VWA8: variants seen among roughly 807,000 people sequenced by gnomAD.
The protein encoded by VWA8 is von Willebrand factor A domain-containing protein 8.
A neutral mutation model predicts 241.5 loss-of-function variants in VWA8; 221 were observed. The ratio of observed to expected loss-of-function variants is 0.91; its 90% CI spans 0.82 to 1.02. VWA8 has a LOEUF of 1.02. Ranked by LOEUF, VWA8 falls within the 50% of genes least tolerant of loss-of-function variation. The probability of loss-of-function intolerance (pLI) is 0.00; values close to 1 mark genes in which losing one functional copy is unlikely to be tolerated. For synonymous variants in VWA8, 852 were observed against 827.1 expected, an observed-to-expected ratio of 1.03 and a Z score of -0.52; for missense variants, 2,322 against 2,328.7, an observed-to-expected ratio of 1.00 and a Z score of 0.06.
At chr13:41,811,109 C>T (rs1395970144) in intron 17 of VWA8, 116 bp downstream of exon 17, 2 of 818,382 alleles carry the variant, frequency 2.4e-6, no homozygotes, top group Non-Finnish European at 1.9e-6. Flanking sequence ...TGAAATAGCT[C>T]TACATTCAGA....
At chr13:41,698,827 A>G (rs2045231088) in intron 29 of VWA8, among the ~76,000 whole-genome samples, 1 of 152,206 alleles carries the variant, frequency 6.6e-6, no homozygotes, top group Admixed American at 6.5e-5. Flanking sequence ...TCAGATGTCA[A>G]TAGTGTCGAG....
chr13:41,685,972 T>A (rs2045133604), intron 34 of VWA8, among the ~76,000 whole-genome samples: 1 of 152,204 alleles, frequency 6.6e-6, no homozygotes, highest in African/African-American at 2.4e-5. Flanking sequence ...TTATCTTTCA[T>A]AGTGAAGTCC....
chr13:41,770,454 A>AAAG lies in VWA8; in HGVS notation c.2349+7530_2349+7531insCTT, dbSNP rs1555333081. ...AGACTCCGTTTCAAAAAAAAAAAAA[A>AAAG]AAAGAAAAGAAACTGTAGTTTGAAA... On this transcript the variant is annotated intron_variant, in intron 20 of 44. Transcript: ENST00000379310. 4.0e-5 allele frequency among the ~76,000 whole-genome samples: 6 copies of AAAG among 150,908 alleles called. No individual in the cohort carries two copies. The East Asian group carries it at 7.7e-4, about 19-fold the overall frequency.
At chr13:41,958,618 T>C (rs1413341583) in intron 1 of VWA8, among the ~76,000 whole-genome samples, 2 of 152,240 alleles carry the variant, frequency 1.3e-5, no homozygotes, top group African/African-American at 2.4e-5. Flanking sequence ...TCCATCTTGA[T>C]AGCCTTACTC....
At position 41,660,624 on chromosome 13, in the gene VWA8, C is replaced by T. The variant is rs143657054; in HGVS notation, c.4611+10322G>A. 2.4e-4 allele frequency among the ~76,000 whole-genome samples: 37 copies of T among 152,232 alleles called. No individual in the cohort carries two copies. The East Asian group carries it at 4.3e-3, about 17-fold the overall frequency. ...TGAGCTTATTACTACACAGCCTTAA[C>T]GTTGTTTAGGGGTGGTGATGGGATA... On this transcript the variant is annotated intron_variant, in intron 37 of 44. Coordinates refer to ENST00000379310, the MANE Select transcript of VWA8 (RefSeq NM_015058.2).
chr13:41,671,429 AAGTGATCAC>A (rs1320825621), intron 36 of VWA8, among the ~76,000 whole-genome samples: 1 of 152,208 alleles, frequency 6.6e-6, no homozygotes, highest in Non-Finnish European at 1.5e-5. Flanking sequence ...ATGTTTTTAT[AAGTGATCAC>A]AGTATATAAC....
At chr13:41,568,773 T>C (rs925503619) in intron 44 of VWA8, among the ~76,000 whole-genome samples, 1 of 152,206 alleles carries the variant, frequency 6.6e-6, no homozygotes, top group African/African-American at 2.4e-5. Context: ...TCTTTCTCTC[T>C]TTCTTTGCCT....
chr13:41,841,797 A>T (rs1164256331), intron 12 of VWA8, among the ~76,000 whole-genome samples: 6 of 40,528 alleles, frequency 1.5e-4, no homozygotes, highest in African/African-American at 4.2e-4. Flanking sequence ...AAAAAAAAAA[A>T]AAAAAAAAAA....
chr13:41,607,192 A>G lies in VWA8; in HGVS notation c.4878-1916T>C, dbSNP rs116293830. On this transcript the variant is annotated intron_variant, in intron 39 of 44. Transcript: ENST00000379310. ...TTCCACTGAACTTCCAGTACCTACC[A>G]CAATACCTGCCTGGCACACAGTGGC... Among the ~76,000 whole-genome samples, 78 of 152,312 alleles carry G rather than the reference A, an allele frequency of 5.1e-4. 1 individual carries two copies. Among genetic ancestry groups the G allele is most frequent in the African/African-American group, 1.9e-3 (78 of 41,582 alleles).
intron 35 of VWA8, among the ~76,000 whole-genome samples, chr13:41,675,929 G>C (rs1198588793): frequency 6.6e-6 from 1 of 152,118 alleles, no homozygotes; most frequent in African/African-American, 2.4e-5. Context: ...TGCAAGACAG[G>C]GGAAGGTGAG....
intron 43 of VWA8, among the ~76,000 whole-genome samples, chr13:41,573,484 A>AAAAAAT (rs1555303579): frequency 8.5e-6 from 1 of 117,028 alleles, no homozygotes; most frequent in African/African-American, 3.7e-5. Flanking sequence ...TAAAAAAAAA[A>AAAAAAT]AAATATATAT....
At chr13:41,798,912 G>A (rs1027885626) in intron 17 of VWA8, among the ~76,000 whole-genome samples, 1 of 152,068 alleles carries the variant, frequency 6.6e-6, no homozygotes, top group African/African-American at 2.4e-5. Context: ...TACTAATTAA[G>A]TGCTTATTGA....
chr13:41,855,277 C>A (rs1421402526), intron 12 of VWA8, among the ~76,000 whole-genome samples: 1 of 147,854 alleles, frequency 6.8e-6, no homozygotes, highest in East Asian at 2.0e-4. Context: ...AGCAAGGTAC[C>A]CACCCAATGG....
intron 4 of VWA8, among the ~76,000 whole-genome samples, chr13:41,899,654 C>CTA (rs1404826443): frequency 1.3e-5 from 2 of 152,234 alleles, no homozygotes; most frequent in Non-Finnish European, 2.9e-5. Context: ...TTAATCAGTA[C>CTA]TATCAAAAAG....
intron 20 of VWA8, among the ~76,000 whole-genome samples, chr13:41,771,191 C>T (rs898173377): frequency 2.0e-5 from 3 of 152,128 alleles, no homozygotes; most frequent in Non-Finnish European, 2.9e-5. Context: ...GCTGTGATCT[C>T]GGCTCACTGC....
intron 2 of VWA8, among the ~76,000 whole-genome samples, chr13:41,924,059 A>T (rs1192501670): frequency 6.6e-6 from 1 of 152,158 alleles, no homozygotes; most frequent in African/African-American, 2.4e-5. Flanking sequence ...AACTGACCCC[A>T]AAGAAATGGA....
intron 37 of VWA8, among the ~76,000 whole-genome samples, chr13:41,636,706 TCAA>T (rs879277757): frequency 0.032 from 4,932 of 152,076 alleles, 89 homozygotes; most frequent in South Asian, 0.078. Context: ...TACAATGAAC[TCAA>T]ACAAATTTAC....
chr13:41,576,810 G>GA (rs1257015160), intron 42 of VWA8, among the ~76,000 whole-genome samples: 1 of 152,216 alleles, frequency 6.6e-6, no homozygotes, highest in Non-Finnish European at 1.5e-5. Context: ...TGGGTTCCTG[G>GA]AAGTTCTGTG....
In VWA8 at chr13:41,689,437, C is replaced by T. The variant is rs2045160448; in HGVS notation, c.4048G>A (p.Glu1350Lys). Reference sequence around the variant, plus strand: ...CTGTTGGGAGAGGCAATCTTTTGTTCCACAGCTGAACTTAGATGTTCAGAT... The same window carrying T: ...CTGTTGGGAGAGGCAATCTTTTGTTTCACAGCTGAACTTAGATGTTCAGAT... ...LSSEHLSSAV[E>K]QKIASPNRIL... Residue 1350 changes from glutamate (E) to lysine (K), a missense_variant, in exon 34 of 45, where the codon GAA becomes AAA. Coordinates refer to ENST00000379310, the MANE Select transcript of VWA8 (RefSeq NM_015058.2). 1 of 1,611,806 alleles carries T rather than the reference C, an allele frequency of 6.2e-7. No individual in the cohort carries two copies. The highest frequency in any genetic ancestry group is 8.5e-7 in the Non-Finnish European group (1 of 1,179,092).
Sources: gnomAD v4.1 joint callset for allele counts (sites outside exome capture counted in the v4.1 genomes callset) on GRCh38, gnomAD v4.1.1 for gene constraint, MANE v1.5 for transcripts, NCBI Gene and HGNC (gene_info 2026-07-23, HGNC 2026-07-21) for gene names.